The following RBFOX1 variants were observed in gnomAD, a reference collection of about 807,000 sequenced individuals.
The protein encoded by RBFOX1 is RNA binding fox-1 homolog 1.
A neutral mutation model predicts 57.7 loss-of-function variants in RBFOX1; 8 were observed. That is an observed-to-expected ratio of 0.14 (90% CI 0.08 to 0.25). RBFOX1 has a LOEUF of 0.25. Ranked by LOEUF, RBFOX1 falls within the 10% of genes least tolerant of loss-of-function variation. The pLI, the probability that RBFOX1 is intolerant of heterozygous loss-of-function variation, is 1.00. For missense variants in RBFOX1, 611 were observed against 548.5 expected, an observed-to-expected ratio of 1.11 and a Z score of -1.14; for synonymous variants, 326 against 222.4, an observed-to-expected ratio of 1.47 and a Z score of -4.15.
At chr16:7,574,847 C>T (rs1053845940) in intron 5 of RBFOX1, among the ~76,000 whole-genome samples, 2 of 152,172 alleles carry the variant, frequency 1.3e-5, no homozygotes, top group African/African-American at 2.4e-5. Flanking sequence ...ATTCATTCCT[C>T]CTTCTCCTAG....
At chr16:7,642,904 T>G (rs2063082785) in intron 11 of RBFOX1, among the ~76,000 whole-genome samples, 1 of 152,196 alleles carries the variant, frequency 6.6e-6, no homozygotes, top group African/African-American at 2.4e-5. Context: ...TCATTCTCAT[T>G]TTGCCGAATG....
At chr16:6,634,114 A>G (rs951120837) in intron 2 of RBFOX1, among the ~76,000 whole-genome samples, 4 of 152,106 alleles carry the variant, frequency 2.6e-5, no homozygotes, top group East Asian at 1.9e-4. Context: ...CACACAGACT[A>G]TATCTATATT....
chr16:5,542,121 T>C (rs960371591), intron 2 of RBFOX1, among the ~76,000 whole-genome samples: 1 of 152,132 alleles, frequency 6.6e-6, no homozygotes, highest in African/African-American at 2.4e-5. Flanking sequence ...ATGGTAGCCG[T>C]CAGGTCCAGA....
intron 4 of RBFOX1, among the ~76,000 whole-genome samples, chr16:7,404,534 T>C (rs2098302405): frequency 6.6e-6 from 1 of 152,152 alleles, no homozygotes. Context: ...GGTGCTATTA[T>C]CATTTCTGCT....
chr16:6,189,690 C>G (rs1304568354), intron 1 of RBFOX1, among the ~76,000 whole-genome samples: 1 of 152,134 alleles, frequency 6.6e-6, no homozygotes, highest in African/African-American at 2.4e-5. Context: ...TTGTCTCTCT[C>G]CAGTTGTGGT....
At chr16:5,371,640 A>C (rs771673708) in intron 1 of RBFOX1, among the ~76,000 whole-genome samples, 11 of 152,126 alleles carry the variant, frequency 7.2e-5, no homozygotes, top group Non-Finnish European at 1.3e-4. Flanking sequence ...TACATTTCTG[A>C]GTGGTGCAGG....
chr16:7,604,671 G>C (rs903086821), intron 9 of RBFOX1, among the ~76,000 whole-genome samples: 5 of 152,092 alleles, frequency 3.3e-5, no homozygotes, highest in African/African-American at 1.2e-4. Context: ...AGATAAACAT[G>C]ATTTCTAGGT....
At chr16:7,393,616 G>A (rs1182713531) in intron 4 of RBFOX1, among the ~76,000 whole-genome samples, 1 of 152,100 alleles carries the variant, frequency 6.6e-6, no homozygotes, top group Non-Finnish European at 1.5e-5. Flanking sequence ...GGAAGGTATG[G>A]TTTCAGGGGG....
At chr16:7,542,741 C>A (rs560060896) in intron 5 of RBFOX1, among the ~76,000 whole-genome samples, 11 of 147,394 alleles carry the variant, frequency 7.5e-5, no homozygotes, top group African/African-American at 2.5e-4. Flanking sequence ...GTGGCACGCA[C>A]CTGTAATCCC....
chr16:5,534,250 G>A (rs1251755388), intron 2 of RBFOX1, among the ~76,000 whole-genome samples: 1 of 152,138 alleles, frequency 6.6e-6, no homozygotes, highest in African/African-American at 2.4e-5. Context: ...GTCATATACT[G>A]TATTAGAGTT....
chr16:5,391,423 G>A (rs923306755), intron 1 of RBFOX1, among the ~76,000 whole-genome samples: 1 of 152,034 alleles, frequency 6.6e-6, no homozygotes, highest in Admixed American at 6.5e-5. Context: ...TTCAAAGCTA[G>A]CCAGGAAGGG....
chr16:5,948,245 G>A (rs1005469846), intron 4 of RBFOX1, among the ~76,000 whole-genome samples: 4 of 150,616 alleles, frequency 2.7e-5, no homozygotes, highest in Non-Finnish European at 5.9e-5. Flanking sequence ...GTGGGTGTTA[G>A]TTCTATGGAA....
At chr16:7,198,534 T>C (rs542159290) in intron 4 of RBFOX1, among the ~76,000 whole-genome samples, 1 of 152,194 alleles carries the variant, frequency 6.6e-6, no homozygotes, top group East Asian at 1.9e-4. Flanking sequence ...TATCTAAGAC[T>C]GGGTAACTTA....
intron 2 of RBFOX1, among the ~76,000 whole-genome samples, chr16:6,461,306 G>C (rs2094913239): frequency 6.6e-6 from 1 of 152,092 alleles, no homozygotes; most frequent in Non-Finnish European, 1.5e-5. Context: ...TAGTGGATTA[G>C]AGCCTACCCT....
intron 4 of RBFOX1, among the ~76,000 whole-genome samples, chr16:7,204,717 T>A (rs1450855126): frequency 1.3e-5 from 2 of 152,196 alleles, no homozygotes; most frequent in Admixed American, 1.3e-4. Flanking sequence ...TTTTTCCTTG[T>A]ATTTTTAGAG....
chr16:7,144,578 C>G (rs1260999491), intron 4 of RBFOX1, among the ~76,000 whole-genome samples: 1 of 152,018 alleles, frequency 6.6e-6, no homozygotes, highest in East Asian at 1.9e-4. Context: ...GCATGAGCTA[C>G]TGCGCCTGAA....
intron 3 of RBFOX1, among the ~76,000 whole-genome samples, chr16:6,814,229 A>G (rs1284511997): frequency 6.9e-6 from 1 of 145,624 alleles, no homozygotes; most frequent in East Asian, 2.0e-4. Flanking sequence ...TTCATGTAAT[A>G]ACACAGAGAG....
At chr16:7,212,765 C>A (rs2091383256) in intron 4 of RBFOX1, among the ~76,000 whole-genome samples, 1 of 152,134 alleles carries the variant, frequency 6.6e-6, no homozygotes, top group Admixed American at 6.6e-5. Context: ...TGCAGCAAAC[C>A]ACCATGGCAC....
intron 4 of RBFOX1, among the ~76,000 whole-genome samples, chr16:7,494,830 C>CT (rs61434992): frequency 0.099 from 12,427 of 125,294 alleles, 1,496 homozygotes; most frequent in Admixed American, 0.24. Context: ...GTGTTACCTA[C>CT]TTTTTTTTTT....
Sources: allele counts gnomAD v4.1 joint callset (sites outside exome capture counted in the v4.1 genomes callset), GRCh38; gene constraint gnomAD v4.1.1; transcripts MANE v1.5; gene names NCBI Gene and HGNC (gene_info 2026-07-23, HGNC 2026-07-21).